The following CABIN1 variants were observed in gnomAD, a reference collection of about 807,000 sequenced individuals.
CABIN1 encodes the protein calcineurin binding protein 1.
CABIN1 carries 133 observed loss-of-function variants against 227.7 expected under a neutral mutation model. The ratio of observed to expected loss-of-function variants is 0.58; its 90% CI spans 0.51 to 0.67. CABIN1 has a LOEUF of 0.67. Ranked by LOEUF, CABIN1 falls within the 30% of genes least tolerant of loss-of-function variation. The pLI is 0.00. For missense variants in CABIN1, 2,408 were observed against 2,852.5 expected (o/e 0.84, Z 3.55); for synonymous variants, 1,086 against 1,155.1 (o/e 0.94, Z 1.21).
At chr22:24,098,263 C>G in intron 26 of CABIN1, 71 bp downstream of exon 26, 16 of 1,609,858 alleles carry the variant, frequency 9.9e-6, no homozygotes, top group Non-Finnish European at 1.3e-5. Context: ...TCGGACGACT[C>G]ATTTTGTCGC....
intron 23 of CABIN1, among the ~76,000 whole-genome samples, chr22:24,088,387 A>G (rs971596339): frequency 2.0e-5 from 3 of 152,106 alleles, no homozygotes; most frequent in Non-Finnish European, 4.4e-5. Context: ...AGGCGGGCGG[A>G]TCACGAGGTC....
At chr22:24,153,631 C>A (rs1255420137) in intron 29 of CABIN1, among the ~76,000 whole-genome samples, 1 of 152,128 alleles carries the variant, frequency 6.6e-6, no homozygotes, top group Non-Finnish European at 1.5e-5. Context: ...TGCTCAGGGC[C>A]TGAGTGTTTT....
chr22:24,070,856 T>G lies in CABIN1; in HGVS notation c.2289T>G (p.Ala763=), dbSNP rs1349118265. 1 of 1,614,126 alleles carries G rather than the reference T, an allele frequency of 6.2e-7. No homozygotes were observed. Among genetic ancestry groups the G allele is most frequent in the Admixed American group, 1.7e-5 (1 of 60,012 alleles). ...YRQCFECSDV[A]LNEAVQQMVN... ...AGTGTTTTGAGTGTTCCGATGTGGC[T>G]CTGAACGAGGCTGTCCAGCAGATGG... Residue 763 remains alanine, a synonymous_variant, in exon 17 of 37, where the codon GCT becomes GCG. Transcript: ENST00000263119.
chr22:24,171,847 C>T lies in CABIN1; in HGVS notation c.5892C>T (p.Thr1964=). 6.2e-7 allele frequency: 1 copy of T among 1,614,098 alleles called. No homozygotes were observed. The highest frequency in any genetic ancestry group is 8.5e-7 in the Non-Finnish European group (1 of 1,180,042). ...TCCAGCGGCCCAGTGATGCTCACACCAAGCCTCGCCCTGCACTAGCTGCCG... is the reference window on the plus strand; with the variant it reads ...TCCAGCGGCCCAGTGATGCTCACACTAAGCCTCGCCCTGCACTAGCTGCCG... ...DSVQRPSDAH[T]KPRPALAAAT... is the part of the protein sequence containing the mutation. Residue 1964 remains threonine (T), a synonymous_variant, in exon 34 of 37, where the codon ACC becomes ACT. Coordinates refer to ENST00000263119, the MANE Select transcript of CABIN1 (RefSeq NM_012295.4).
chr22:24,161,102 G>C (rs867782524), intron 29 of CABIN1, among the ~76,000 whole-genome samples: 1 of 152,346 alleles, frequency 6.6e-6, no homozygotes, highest in Middle Eastern at 3.4e-3. Context: ...ACTCAGCTTA[G>C]AGTCTGGGGC....
intron 29 of CABIN1, among the ~76,000 whole-genome samples, chr22:24,136,548 T>TTTTTTTTTTTTG (rs1333552591): frequency 1.4e-5 from 2 of 142,470 alleles, no homozygotes; most frequent in Non-Finnish European, 1.5e-5. Flanking sequence ...TTTTTTTTTT[T>TTTTTTTTTTTTG]AGAGACAAGG....
intron 5 of CABIN1, among the ~76,000 whole-genome samples, chr22:24,041,783 G>T (rs895529904): frequency 6.6e-6 from 1 of 152,226 alleles, no homozygotes; most frequent in African/African-American, 2.4e-5. Flanking sequence ...TGCTTCCTAC[G>T]CATACACTAA....
chr22:24,150,749 G>A (rs1301645882), intron 29 of CABIN1, among the ~76,000 whole-genome samples: 1 of 152,216 alleles, frequency 6.6e-6, no homozygotes, highest in Non-Finnish European at 1.5e-5. Context: ...TGGTGGAAGA[G>A]TGCTGGGTTT....
rs2045822823 is a variant in CABIN1 at position 24,156,488 on chromosome 22, G to T, written c.4747-7912G>T. The stretch of plus-strand genomic sequence containing the variant: ...GCTGGGAGCTGGCTCGTGGGGGCGT[G>T]CGCTGCGCGAAAGCGAAAGCCGCCC... On this transcript the variant is annotated intron_variant, in intron 29 of 36. Transcript: ENST00000263119. 1.7e-5 allele frequency: 3 copies of T among 172,152 alleles called. 1 individual carries two copies. Among genetic ancestry groups the T allele is most frequent in the Non-Finnish European group, 3.7e-5 (3 of 81,636 alleles). The allele number at this position is 172,152 out of a possible 1,614,324, so 10.7% of individuals were successfully genotyped here. A position where few individuals can be genotyped will look rare whatever the true frequency, so the allele number is the denominator to read the frequency against.
chr22:24,043,307 C>CTTTTTTTTTTTTTTTTTTT (rs745547509), intron 6 of CABIN1, among the ~76,000 whole-genome samples: 1 of 71,124 alleles, frequency 1.4e-5, no homozygotes, highest in Non-Finnish European at 2.7e-5. Context: ...AATGATTTTA[C>CTTTTTTTTTTTTTTTTTTT]TTTTTTTTTT....
At chr22:24,033,188 A>G (rs1454593402) in intron 1 of CABIN1, among the ~76,000 whole-genome samples, 1 of 152,226 alleles carries the variant, frequency 6.6e-6, no homozygotes, top group Non-Finnish European at 1.5e-5. Flanking sequence ...AGTCTAGGAA[A>G]GGTTTGAGTC....
At chr22:24,103,991 G>T (rs950698601) in intron 26 of CABIN1, among the ~76,000 whole-genome samples, 1 of 152,162 alleles carries the variant, frequency 6.6e-6, no homozygotes, top group South Asian at 2.1e-4. Flanking sequence ...GAGGCCTGCA[G>T]GCCCATTTAG....
At chr22:24,117,538 GT>G (rs1387191485) in intron 27 of CABIN1, among the ~76,000 whole-genome samples, 3 of 134,692 alleles carry the variant, frequency 2.2e-5, no homozygotes, top group African/African-American at 3.0e-5. Context: ...TTTTTTGTTT[GT>G]TTTTTTGGGG....
rs1414862328 is a variant in CABIN1 at position 24,055,058 on chromosome 22, C to T, written c.992C>T (p.Pro331Leu). 6.2e-7 allele frequency: 1 copy of T among 1,614,264 alleles called. No homozygotes were observed. Among genetic ancestry groups the T allele is most frequent in the Non-Finnish European group, 8.5e-7 (1 of 1,180,046 alleles). The change falls in exon 9 of 37, where the codon CCA (proline) becomes CTA (leucine). Residue 331 changes from proline to leucine, a missense_variant. Pro to Leu is a moderately conservative substitution (Grantham distance 98). This residue lies in a region of CABIN1 where 1,045 missense variants were observed against 1,168.4 expected (regional missense o/e 0.89). Transcript: ENST00000263119. ...VIQPSTVSTN[P>L]AVAVAEPVVS... ...CAGCCAAGCACTGTCAGCACCAACC[C>T]AGCTGTGGCTGTCGCCGAGCCTGTG...
rs1313543046 is a variant in CABIN1, at chr22:24,011,369, T to A, written c.-75+2T>A. The stretch of plus-strand genomic sequence containing the variant: ...TGGCCGTTGCTGTGGAGACGCCTGG[T>A]GAGTTCCTGGAAGGCTGGTTTGAAG... On this transcript the variant is annotated splice_donor_variant, in intron 1 of 36. Coordinates refer to ENST00000263119, the MANE Select transcript of CABIN1 (RefSeq NM_012295.4). LOFTEE classifies it low-confidence loss of function (5UTR_SPLICE). The A allele has an allele frequency of 6.5e-6, 1 of 152,856 alleles. No homozygotes were observed. 9.5% of individuals were successfully genotyped at this position (152,856 alleles called of 1,614,324 possible).
At chr22:24,130,065 C>A (rs1263365959) in intron 28 of CABIN1, among the ~76,000 whole-genome samples, 1 of 152,242 alleles carries the variant, frequency 6.6e-6, no homozygotes, top group Non-Finnish European at 1.5e-5. Context: ...TGCCCTACTT[C>A]TCTTCAGGAC....
In CABIN1 at chr22:24,040,157, G is replaced by A. The variant is rs368282903; in HGVS notation, c.211-982G>A. On this transcript the variant is annotated intron_variant, in intron 4 of 36. Coordinates refer to ENST00000263119, the MANE Select transcript of CABIN1 (RefSeq NM_012295.4). ...TATTCTTTGAAGAGTTCTGTACCTG[G>A]AGGGACAGAGGTAGCTGGGATCCAG... Among the ~76,000 whole-genome samples the A allele has an allele frequency of 6.6e-5, 10 of 152,318 alleles. No individual in the cohort carries two copies. In the South Asian group the frequency reaches 2.1e-3, roughly 32 times the overall value.
chr22:24,066,853 AT>A (rs1569158119), intron 15 of CABIN1, 133 bp from the exon 16 acceptor site: 62 of 812,080 alleles, frequency 7.6e-5, no homozygotes, highest in Non-Finnish European at 7.4e-5. Context: ...GAGGAATCTA[AT>A]TTTTTTTGGG....
At chr22:24,015,681 G>A (rs950775428) in intron 1 of CABIN1, among the ~76,000 whole-genome samples, 3 of 151,904 alleles carry the variant, frequency 2.0e-5, no homozygotes, top group African/African-American at 7.2e-5. Flanking sequence ...TTGAGGCCAG[G>A]CATGGTGGCT....
Sources: gnomAD v4.1 joint callset for allele counts (sites outside exome capture counted in the v4.1 genomes callset) on GRCh38, gnomAD v4.1.1 for gene constraint, gnomAD v4.1.1 regional missense constraint, MANE v1.5 for transcripts, NCBI Gene and HGNC (gene_info 2026-07-23, HGNC 2026-07-21) for gene names.